Variants in FAM107B observed in about 807,000 individuals in gnomAD.
FAM107B encodes the protein protein FAM107B.
In FAM107B, 21 loss-of-function variants were observed where a neutral mutation model predicts 31.5. The ratio of observed to expected loss-of-function variants is 0.67; its 90% CI spans 0.47 to 0.96. The LOEUF is 0.96. FAM107B is among the 40% of genes least tolerant of loss of function. The pLI is 0.00. For synonymous variants in FAM107B, 157 were observed against 141.5 expected (o/e 1.11, Z -0.78); for missense variants, 452 against 377.1 (o/e 1.20, Z -1.64).
intron 2 of FAM107B, among the ~76,000 whole-genome samples, chr10:14,615,095 G>A (rs987064096): frequency 5.9e-5 from 9 of 152,248 alleles, no homozygotes; most frequent in Middle Eastern, 3.4e-3. Flanking sequence ...TTGGGAGGCC[G>A]AGGTGGGTGG....
At chr10:14,715,458 G>A (rs1464982661) in intron 1 of FAM107B, among the ~76,000 whole-genome samples, 1 of 152,146 alleles carries the variant, frequency 6.6e-6, no homozygotes, top group Non-Finnish European at 1.5e-5. Flanking sequence ...TTATATAATA[G>A]ATCACCCCAA....
At chr10:14,665,178 G>A (rs967472457) in intron 2 of FAM107B, among the ~76,000 whole-genome samples, 3 of 152,146 alleles carry the variant, frequency 2.0e-5, no homozygotes, top group African/African-American at 7.2e-5. Flanking sequence ...CAGATAAATT[G>A]GGATTCTAAA....
intron 2 of FAM107B, among the ~76,000 whole-genome samples, chr10:14,637,691 A>G (rs1441696332): frequency 6.6e-6 from 1 of 152,132 alleles, no homozygotes; most frequent in African/African-American, 2.4e-5. Flanking sequence ...CATGATTCCA[A>G]GATGATTTTA....
chr10:14,692,085 C>T (rs1323153027), intron 1 of FAM107B, among the ~76,000 whole-genome samples: 1 of 152,078 alleles, frequency 6.6e-6, no homozygotes, highest in Non-Finnish European at 1.5e-5. Flanking sequence ...TGCTATCCTG[C>T]AATTGCGGTT....
Position 14,570,231 on chromosome 10 carries a change from T to C in FAM107B, c.470-39716A>G, listed in dbSNP as rs973703741. On this transcript the variant is annotated intron_variant, in intron 2 of 4. Coordinates refer to ENST00000181796, the MANE Select transcript of FAM107B (RefSeq NM_031453.4). ...AAACGTACCTACCAAAAAAATGTGG[T>C]GGGTGTGTGTGTGTGTGTGTGTGTG... 3.6e-5 allele frequency among the ~76,000 whole-genome samples: 4 copies of C among 110,710 alleles called. No individual in the cohort carries two copies. In the Admixed American group the frequency reaches 3.8e-4, roughly 10 times the overall value. The allele number at this position is 110,710 out of a possible 152,430, so 72.6% of individuals were successfully genotyped here. A position where few individuals can be genotyped will look rare whatever the true frequency, so the allele number is the denominator to read the frequency against.
chr10:14,684,829 T>C (rs1038155620), intron 1 of FAM107B, among the ~76,000 whole-genome samples: 19 of 38,944 alleles, frequency 4.9e-4, no homozygotes, highest in African/African-American at 8.7e-4. Context: ...TTGTTTTTCT[T>C]TTTTTTTTTG....
intron 1 of FAM107B, among the ~76,000 whole-genome samples, chr10:14,703,394 T>C (rs960792223): frequency 5.3e-5 from 8 of 151,238 alleles, no homozygotes; most frequent in African/African-American, 1.5e-4. Context: ...AGTGGCATGA[T>C]CTTGTGATCC....
intron 1 of FAM107B, among the ~76,000 whole-genome samples, chr10:14,753,915 A>G (rs1044022763): frequency 2.6e-5 from 4 of 151,478 alleles, no homozygotes; most frequent in Non-Finnish European, 5.9e-5. Context: ...CCAATTTTTT[A>G]TATCATAGAT....
At chr10:14,629,380 A>ATATAATATATATTATATATT (rs1853269543) in intron 2 of FAM107B, among the ~76,000 whole-genome samples, 1 of 10,352 alleles carries the variant, frequency 9.7e-5, no homozygotes, top group Non-Finnish European at 2.0e-4. Context: ...TTTAATATAT[A>ATATAATATATATTATATATT]TAATATATAT....
chr10:14,675,790 C>T (rs1245934492), intron 1 of FAM107B, among the ~76,000 whole-genome samples: 2 of 152,076 alleles, frequency 1.3e-5, no homozygotes, highest in African/African-American at 4.8e-5. Context: ...CTTTGAGGCT[C>T]TTGATGTAGA....
intron 1 of FAM107B, among the ~76,000 whole-genome samples, chr10:14,730,080 C>T (rs571203549): frequency 3.2e-4 from 49 of 152,214 alleles, no homozygotes; most frequent in Admixed American, 8.5e-4. Flanking sequence ...GGACAAATAC[C>T]TAATGTATGC....
At chr10:14,581,899 C>A (rs917027752) in intron 2 of FAM107B, among the ~76,000 whole-genome samples, 1 of 152,088 alleles carries the variant, frequency 6.6e-6, no homozygotes, top group Admixed American at 6.5e-5. Context: ...CAGAGCAAGA[C>A]CATGTCTCAA....
chr10:14,732,176 T>A (rs117227262), intron 1 of FAM107B, among the ~76,000 whole-genome samples: 1 of 152,222 alleles, frequency 6.6e-6, no homozygotes, highest in Non-Finnish European at 1.5e-5. Context: ...ACACTATTGA[T>A]GTTTTACATT....
chr10:14,765,509 G>C (rs1359583153), intron 1 of FAM107B, among the ~76,000 whole-genome samples: 1 of 152,140 alleles, frequency 6.6e-6, no homozygotes, highest in African/African-American at 2.4e-5. Flanking sequence ...ATGCCACTGT[G>C]TTTAACATCT....
chr10:14,671,325 C>T (rs1328914990), intron 1 of FAM107B, among the ~76,000 whole-genome samples: 1 of 152,082 alleles, frequency 6.6e-6, no homozygotes, highest in Non-Finnish European at 1.5e-5. Flanking sequence ...GGCTCGCCAA[C>T]AATTTGAATG....
intron 1 of FAM107B, among the ~76,000 whole-genome samples, chr10:14,759,247 T>C (rs1487060046): frequency 6.6e-6 from 1 of 152,134 alleles, no homozygotes; most frequent in Non-Finnish European, 1.5e-5. Flanking sequence ...TCTGGGCTGC[T>C]GACATGCATT....
At chr10:14,774,119 C>T (rs1292551676) in intron 1 of FAM107B, 134 bp downstream of exon 1, 11 of 1,065,854 alleles carry the variant, frequency 1.0e-5, no homozygotes, top group Non-Finnish European at 1.4e-5. Flanking sequence ...CACACTTCTT[C>T]GCACTAGTGA....
At chr10:14,766,171 A>G (rs1189137849) in intron 1 of FAM107B, among the ~76,000 whole-genome samples, 1 of 152,208 alleles carries the variant, frequency 6.6e-6, no homozygotes, top group African/African-American at 2.4e-5. Context: ...CAGACACCCA[A>G]TTTCAATTAA....
At chr10:14,596,567 C>A (rs1852195335) in intron 2 of FAM107B, among the ~76,000 whole-genome samples, 1 of 152,038 alleles carries the variant, frequency 6.6e-6, no homozygotes, top group South Asian at 2.1e-4. Flanking sequence ...ATAATATTAC[C>A]AGTATTATTA....
Sources: gnomAD v4.1 joint callset for allele counts (sites outside exome capture counted in the v4.1 genomes callset) on GRCh38, gnomAD v4.1.1 for gene constraint, MANE v1.5 for transcripts, NCBI Gene and HGNC (gene_info 2026-07-23, HGNC 2026-07-21) for gene names.